Variants in CASTOR2 observed in about 807,000 individuals in gnomAD.
CASTOR2 encodes the protein cytosolic arginine sensor for mTORC1 subunit 2.
Under a neutral mutation model 31.2 loss-of-function variants are expected in CASTOR2, and 8 were observed. The ratio of observed to expected loss-of-function variants is 0.26; its 90% confidence interval spans 0.15 to 0.46. CASTOR2 has a LOEUF of 0.46. Among genes scored for constraint, CASTOR2 ranks in the 20% least tolerant of loss-of-function variants. The pLI, the probability that CASTOR2 is intolerant of heterozygous loss-of-function variation, is 0.99. For missense variants in CASTOR2, 216 were observed against 382.1 expected, an observed-to-expected ratio of 0.57 and a Z score of 3.62; for synonymous variants, 162 against 158.7, an observed-to-expected ratio of 1.02 and a Z score of -0.16.
chr7:75,011,924 G>A (rs1804759401), intron 2 of CASTOR2, among the ~76,000 whole-genome samples: 4 of 151,088 alleles, frequency 2.6e-5, no homozygotes, highest in African/African-American at 4.9e-5. Flanking sequence ...CCGAGATCGC[G>A]CCATTGCACT....
At chr7:75,000,313 G>A in intron 1 of CASTOR2, among the ~76,000 whole-genome samples, 1 of 152,128 alleles carries the variant, frequency 6.6e-6, no homozygotes, top group Non-Finnish European at 1.5e-5. Context: ...GCTGGCAGGG[G>A]CAGGGGTGGG....
At chr7:74,988,764 C>T (rs1414013347) in intron 1 of CASTOR2, among the ~76,000 whole-genome samples, 1 of 152,064 alleles carries the variant, frequency 6.6e-6, no homozygotes, top group Non-Finnish European at 1.5e-5. Flanking sequence ...TGTCTGCCTA[C>T]ATTTATCTTT....
chr7:74,994,772 C>T (rs1336358058), intron 1 of CASTOR2, among the ~76,000 whole-genome samples: 4 of 151,776 alleles, frequency 2.6e-5, no homozygotes, highest in African/African-American at 9.7e-5. Flanking sequence ...AAGAATCAAC[C>T]AAGGTGGTTG....
At chr7:75,015,524 TA>T (rs1804844904) in intron 2 of CASTOR2, among the ~76,000 whole-genome samples, 1 of 152,080 alleles carries the variant, frequency 6.6e-6, no homozygotes. Flanking sequence ...GCGATCCTCC[TA>T]CCTTGGCCTC....
chr7:75,026,453 A>G lies in CASTOR2; in HGVS notation c.*1754A>G, dbSNP rs1347033472. Among the ~76,000 whole-genome samples, 3 of 151,936 alleles carry G rather than the reference A, an allele frequency of 2.0e-5. No individual in the cohort carries two copies. The highest frequency in any genetic ancestry group is 2.1e-4 in the South Asian group (1 of 4,816). ...GATCCGCCTGCCTCGGCCTCCCAAA[A>G]TGCCGGGATTACAGGCGTGAGCCAC... On this transcript the variant is annotated 3_prime_UTR_variant, in exon 9 of 9. Coordinates refer to ENST00000616305, the MANE Select transcript of CASTOR2 (RefSeq NM_001145064.3).
chr7:75,016,457 C>T (rs1489520025), intron 2 of CASTOR2, among the ~76,000 whole-genome samples: 2 of 152,196 alleles, frequency 1.3e-5, no homozygotes, highest in African/African-American at 2.4e-5. Context: ...AGTCACTGCC[C>T]CCCATGATGC....
At chr7:75,024,414 G>T (rs960685795) in intron 7 of CASTOR2, 26 bp from the exon 8 acceptor site, 8 of 1,551,218 alleles carry the variant, frequency 5.2e-6, no homozygotes, top group Non-Finnish European at 6.1e-6. Flanking sequence ...TTACACAGAG[G>T]CTAAGGACGG....
chr7:75,018,496 G>T (rs1373896579), intron 4 of CASTOR2, among the ~76,000 whole-genome samples: 1 of 152,056 alleles, frequency 6.6e-6, no homozygotes, highest in Non-Finnish European at 1.5e-5. Flanking sequence ...CCGAGATTGT[G>T]CCATTGCACT....
At chr7:74,990,729 C>A (rs1319988569) in intron 1 of CASTOR2, among the ~76,000 whole-genome samples, 1 of 152,128 alleles carries the variant, frequency 6.6e-6, no homozygotes, top group Non-Finnish European at 1.5e-5. Flanking sequence ...GTGGTGGGTG[C>A]TTGTAATCCC....
At chr7:75,009,588 A>AAAAATT (rs1225572046) in intron 2 of CASTOR2, among the ~76,000 whole-genome samples, 2 of 151,978 alleles carry the variant, frequency 1.3e-5, no homozygotes, top group Non-Finnish European at 2.9e-5. Context: ...ATTTCTGAAA[A>AAAAATT]AAAATTAAAA....
intron 2 of CASTOR2, among the ~76,000 whole-genome samples, chr7:75,014,859 C>G (rs1319930299): frequency 1.3e-5 from 2 of 152,372 alleles, no homozygotes; most frequent in African/African-American, 4.8e-5. Context: ...TCAGCACCCC[C>G]TCAAGGTGTA....
intron 1 of CASTOR2, among the ~76,000 whole-genome samples, chr7:74,975,943 G>T (rs1198300768): frequency 2.7e-5 from 4 of 149,648 alleles, no homozygotes; most frequent in African/African-American, 9.8e-5. Context: ...GAGGAACTGA[G>T]GCATCCCACC....
intron 1 of CASTOR2, among the ~76,000 whole-genome samples, chr7:74,993,800 T>TAAAAAAA (rs782362434): frequency 7.1e-6 from 1 of 140,862 alleles, no homozygotes; most frequent in Non-Finnish European, 1.5e-5. Flanking sequence ...TGCCACAGAT[T>TAAAAAAA]AAAAAAAAAA....
rs1805125206 is a variant in CASTOR2 at position 75,026,189 on chromosome 7, G to GTTTTTTTTTTTGTTTTT, written c.*1501_*1502insGTTTTTTTTTTTTTTTT. On this transcript the variant is annotated 3_prime_UTR_variant, in exon 9 of 9. Transcript: ENST00000616305. ...CCCTGTGGTTTTGGCTCTGGCGGGG[G>GTTTTTTTTTTTGTTTTT]TTTTTTTTTTTTTTTTTGAGATGGG... is the stretch of plus-strand genomic sequence containing the variant. 3.4e-5 allele frequency among the ~76,000 whole-genome samples: 4 copies of GTTTTTTTTTTTGTTTTT among 117,714 alleles called. No individual in the cohort carries two copies. The highest frequency in any genetic ancestry group is 9.7e-5 in the African/African-American group (3 of 30,796). 77.2% of individuals were successfully genotyped at this position (117,714 alleles called of 152,430 possible).
Position 75,031,233 on chromosome 7 carries a change from C to T in CASTOR2, c.*6534C>T, listed in dbSNP as rs1805294540. 1.3e-5 allele frequency among the ~76,000 whole-genome samples: 2 copies of T among 152,056 alleles called. No homozygotes were observed. Among genetic ancestry groups the T allele is most frequent in the South Asian group, 4.1e-4 (2 of 4,824 alleles). On this transcript the variant is annotated 3_prime_UTR_variant, in exon 9 of 9. Transcript: ENST00000616305. ...CTGCCCTGCCCAGAGCCCCCACCATCGTAGTGGGGGCAGGGGACTTCCTGC... is the reference window on the plus strand; with the variant it reads ...CTGCCCTGCCCAGAGCCCCCACCATTGTAGTGGGGGCAGGGGACTTCCTGC...
In CASTOR2 at chr7:75,025,568, A is replaced by G. The variant is rs925034984; in HGVS notation, c.*869A>G. ...TCTTAGGTGGTGTCCCACCTCCCCA[A>G]CAGACAACTAGACCAGCATAGGACT... On this transcript the variant is annotated 3_prime_UTR_variant, in exon 9 of 9. Transcript: ENST00000616305. Among the ~76,000 whole-genome samples, 7 of 152,054 alleles carry G rather than the reference A, an allele frequency of 4.6e-5. No individual in the cohort carries two copies. The highest frequency in any genetic ancestry group is 1.9e-4 in the East Asian group (1 of 5,168).
intron 2 of CASTOR2, among the ~76,000 whole-genome samples, chr7:75,016,527 G>A (rs1471832033): frequency 6.6e-6 from 1 of 152,150 alleles, no homozygotes; most frequent in Non-Finnish European, 1.5e-5. Flanking sequence ...AATGTGCAGG[G>A]CTGGCTGAAG....
chr7:75,002,372 A>T (rs1804518234), intron 1 of CASTOR2, among the ~76,000 whole-genome samples: 1 of 151,750 alleles, frequency 6.6e-6, no homozygotes, highest in African/African-American at 2.4e-5. Flanking sequence ...TAATCCCAGC[A>T]CTTTGGGAGG....
In CASTOR2 at chr7:75,022,247, G is replaced by A. The variant is rs1490770684; in HGVS notation, c.829+291G>A. Among the ~76,000 whole-genome samples, 48 of 152,318 alleles carry A rather than the reference G, an allele frequency of 3.2e-4. 1 individual carries two copies. Among genetic ancestry groups the A allele is most frequent in the Non-Finnish European group, 2.5e-4 (17 of 68,032 alleles). ...CAGCTGGGCGCGGTGGCTCGTGCTT[G>A]TAATCCCAGCACTTTGGGAGGCCGA... On this transcript the variant is annotated intron_variant, in intron 7 of 8. Coordinates refer to ENST00000616305, the MANE Select transcript of CASTOR2 (RefSeq NM_001145064.3).
Sources: allele counts gnomAD v4.1 joint callset (sites outside exome capture counted in the v4.1 genomes callset), GRCh38; gene constraint gnomAD v4.1.1; transcripts MANE v1.5; gene names NCBI Gene and HGNC (gene_info 2026-07-23, HGNC 2026-07-21).